SGCD: variants seen among roughly 807,000 people sequenced by gnomAD.
The protein encoded by SGCD is delta-sarcoglycan.
SGCD carries 18 observed loss-of-function variants against 36.6 expected under a neutral mutation model. The observed-to-expected ratio is 0.49, with a 90% CI of 0.34 to 0.73. SGCD has a LOEUF of 0.73. Ranked by LOEUF, SGCD falls within the 30% of genes least tolerant of loss-of-function variation. The pLI, the probability that SGCD is intolerant of heterozygous loss-of-function variation, is 0.01. For missense variants in SGCD, 387 were observed against 346.7 expected, an observed-to-expected ratio of 1.12 and a Z score of -0.92; for synonymous variants, 133 against 130.6, an observed-to-expected ratio of 1.02 and a Z score of -0.12.
At chr5:156,265,350 T>C (rs1213168681) in intron 3 of SGCD, among the ~76,000 whole-genome samples, 1 of 152,132 alleles carries the variant, frequency 6.6e-6, no homozygotes, top group Admixed American at 6.6e-5. Flanking sequence ...CTAAGAAATA[T>C]TGTTTCCTAA....
At chr5:156,224,852 G>A (rs528556122) in intron 3 of SGCD, among the ~76,000 whole-genome samples, 1 of 152,038 alleles carries the variant, frequency 6.6e-6, no homozygotes, top group Non-Finnish European at 1.5e-5. Context: ...TTCAAAATAT[G>A]TAGGAAAATA....
At chr5:156,634,145 C>T (rs1762737358) in intron 6 of SGCD, among the ~76,000 whole-genome samples, 1 of 152,172 alleles carries the variant, frequency 6.6e-6, no homozygotes, top group Non-Finnish European at 1.5e-5. Flanking sequence ...AGCCTACTCT[C>T]CACTAAGGTT....
At chr5:156,206,726 A>C (rs1029580364) in intron 3 of SGCD, among the ~76,000 whole-genome samples, 3 of 150,290 alleles carry the variant, frequency 2.0e-5, no homozygotes, top group Non-Finnish European at 4.5e-5. Context: ...GCAGTGAATA[A>C]TTTTTTTTTT....
chr5:156,446,543 C>T lies in SGCD; in HGVS notation c.193-62058C>T, dbSNP rs775104094. 6.6e-4 allele frequency among the ~76,000 whole-genome samples: 101 copies of T among 152,082 alleles called. 1 individual carries two copies. The highest frequency in any genetic ancestry group is 3.5e-3 in the Admixed American group (54 of 15,260). The stretch of plus-strand genomic sequence containing the variant: ...AAGCCCTTTTTATTTACTGGTTTTA[C>T]AATGTGTTTTGTGATTTCTCCCAAC... On this transcript the variant is annotated intron_variant, in intron 3 of 8. Coordinates refer to ENST00000337851, the MANE Select transcript of SGCD (RefSeq NM_000337.6).
At chr5:156,065,600 C>A (rs1324682604) in intron 1 of SGCD, among the ~76,000 whole-genome samples, 11 of 25,040 alleles carry the variant, frequency 4.4e-4, no homozygotes, top group African/African-American at 2.1e-3. Flanking sequence ...TGAGGACTTG[C>A]TTTATGAATC....
intron 3 of SGCD, among the ~76,000 whole-genome samples, chr5:156,245,791 A>AT (rs1341733949): frequency 1.3e-5 from 2 of 152,020 alleles, no homozygotes; most frequent in Non-Finnish European, 2.9e-5. Context: ...GGAAGAGAAA[A>AT]TTTTTTCAAA....
At chr5:155,767,795 G>A in the SGCD span, among the ~76,000 whole-genome samples, 3 of 152,118 alleles carry the variant, frequency 2.0e-5, no homozygotes, top group Admixed American at 6.6e-5. Context: ...ACTAAGCCAC[G>A]TGTGCTGTTT....
chr5:156,302,398 T>G (rs575816158), intron 3 of SGCD, among the ~76,000 whole-genome samples: 12 of 152,252 alleles, frequency 7.9e-5, no homozygotes, highest in African/African-American at 2.9e-4. Flanking sequence ...ATTTATCTGC[T>G]GGGACTCTGA....
chr5:155,871,351 G>A (rs1489699787), intron 1 of SGCD, among the ~76,000 whole-genome samples: 1 of 152,148 alleles, frequency 6.6e-6, no homozygotes, highest in Non-Finnish European at 1.5e-5. Flanking sequence ...CCAATAAATT[G>A]AGGGTCTGCA....
chr5:156,211,464 T>C (rs1426796445), intron 3 of SGCD, among the ~76,000 whole-genome samples: 6 of 151,744 alleles, frequency 4.0e-5, no homozygotes, highest in Admixed American at 1.3e-4. Flanking sequence ...AAAAATTAGC[T>C]GGGCGTGGTG....
chr5:156,492,312 C>A (rs915175730), intron 3 of SGCD, among the ~76,000 whole-genome samples: 8 of 152,056 alleles, frequency 5.3e-5, no homozygotes, highest in Non-Finnish European at 4.4e-5. Context: ...GGATTTTTAT[C>A]ATAAGGAATT....
chr5:156,510,518 CTAGTT>C (rs1421313303), intron 4 of SGCD, among the ~76,000 whole-genome samples: 2 of 152,164 alleles, frequency 1.3e-5, no homozygotes, highest in East Asian at 1.9e-4. Flanking sequence ...GTTTAACTCA[CTAGTT>C]TAGTTTAGTC....
At chr5:156,413,055 C>T (rs2127771029) in intron 3 of SGCD, among the ~76,000 whole-genome samples, 1 of 151,992 alleles carries the variant, frequency 6.6e-6, no homozygotes, top group Admixed American at 6.5e-5. Flanking sequence ...CCTCGGCCTC[C>T]CAAAGTGCTG....
Position 156,226,135 on chromosome 5 carries a change from T to C in SGCD, c.-44+102116T>C, listed in dbSNP as rs374905870. Reference sequence around the variant, plus strand: ...TTGGTTACATGAGTAAGTTCTTTAGTGGTGATTTGTGAGATTTTGGTGCAT... The same window carrying C: ...TTGGTTACATGAGTAAGTTCTTTAGCGGTGATTTGTGAGATTTTGGTGCAT... On this transcript the variant is annotated intron_variant, in intron 3 of 9. Coordinates refer to the SGCD transcript ENST00000517913. 7.2e-5 allele frequency among the ~76,000 whole-genome samples: 11 copies of C among 152,094 alleles called. No homozygotes were observed. In the East Asian group the frequency reaches 9.6e-4, roughly 13 times the overall value.
intron 7 of SGCD, among the ~76,000 whole-genome samples, chr5:156,701,543 T>C (rs1406874996): frequency 6.6e-6 from 1 of 152,110 alleles, no homozygotes; most frequent in Non-Finnish European, 1.5e-5. Context: ...CTCAAAAGTA[T>C]CTAATTGGGG....
intron 4 of SGCD, among the ~76,000 whole-genome samples, chr5:156,569,416 A>T (rs1198572328): frequency 6.6e-6 from 1 of 151,944 alleles, no homozygotes; most frequent in Non-Finnish European, 1.5e-5. Context: ...ACATGGTGAA[A>T]CCCTGTCTCT....
intron 1 of SGCD, among the ~76,000 whole-genome samples, chr5:156,028,214 G>A (rs922777787): frequency 1.3e-5 from 2 of 152,130 alleles, no homozygotes; most frequent in African/African-American, 4.8e-5. Flanking sequence ...AGTCATAATG[G>A]CAGTATCGAA....
At chr5:155,787,721 C>T in the SGCD span, among the ~76,000 whole-genome samples, 2 of 152,024 alleles carry the variant, frequency 1.3e-5, no homozygotes, top group Admixed American at 1.3e-4. Flanking sequence ...TGCTTAGAAT[C>T]CCAGGGTTTT....
chr5:156,369,705 G>A (rs143203965), intron 3 of SGCD, among the ~76,000 whole-genome samples: 2 of 152,140 alleles, frequency 1.3e-5, no homozygotes, highest in Non-Finnish European at 2.9e-5. Flanking sequence ...TCTAAATTTA[G>A]CTCTTCTGCT....
Sources: gnomAD v4.1 joint callset for allele counts (sites outside exome capture counted in the v4.1 genomes callset) on GRCh38, gnomAD v4.1.1 for gene constraint, MANE v1.5 for transcripts, NCBI Gene and HGNC (gene_info 2026-07-23, HGNC 2026-07-21) for gene names.